Variants in GUCY1A1 observed in about 807,000 individuals in gnomAD.
GUCY1A1 encodes guanylate cyclase soluble subunit alpha-1.
Under a neutral mutation model 64.5 loss-of-function variants are expected in GUCY1A1, and 48 were observed. That is an observed-to-expected ratio of 0.74 (90% CI 0.59 to 0.95). GUCY1A1 has a LOEUF of 0.95. Ranked by LOEUF, GUCY1A1 falls within the 40% of genes least tolerant of loss-of-function variation. The pLI, the probability that GUCY1A1 is intolerant of heterozygous loss-of-function variation, is 0.00. For missense variants in GUCY1A1, 804 were observed against 825.3 expected (o/e 0.97, Z 0.32); for synonymous variants, 308 against 303.4 (o/e 1.02, Z -0.16).
At chr4:155,712,321 A>G (rs1732679626) in intron 6 of GUCY1A1, among the ~76,000 whole-genome samples, 1 of 152,100 alleles carries the variant, frequency 6.6e-6, no homozygotes, top group Non-Finnish European at 1.5e-5. Context: ...TTATACAGAC[A>G]AAGTTTCGCC....
intron 3 of GUCY1A1, among the ~76,000 whole-genome samples, chr4:155,697,479 T>C (rs1204495459): frequency 6.6e-6 from 1 of 152,220 alleles, no homozygotes; most frequent in African/African-American, 2.4e-5. Context: ...AAACCATCCA[T>C]AGCTCTTGCC....
At position 155,734,097 on chromosome 4, in the gene GUCY1A1, A is replaced by G. The variant is rs957182221; in HGVS notation, c.*3866A>G. On this transcript the variant is annotated 3_prime_UTR_variant, in exon 10 of 10. Coordinates refer to ENST00000506455, the MANE Select transcript of GUCY1A1 (RefSeq NM_001130682.3). ...CTGATATTTCCAGCCACGCCAAGGC[A>G]AAGACTTCCCAGCTCTGTCTCAGGT... is the stretch of plus-strand genomic sequence containing the variant. Among the ~76,000 whole-genome samples, 3 of 151,922 alleles carry G rather than the reference A, an allele frequency of 2.0e-5. No individual in the cohort carries two copies. The highest frequency in any genetic ancestry group is 7.2e-5 in the African/African-American group (3 of 41,400).
chr4:155,683,711 A>G (rs997230981), intron 2 of GUCY1A1, among the ~76,000 whole-genome samples: 20 of 152,212 alleles, frequency 1.3e-4, no homozygotes, highest in African/African-American at 4.3e-4. Flanking sequence ...AGTGAAAGCA[A>G]TTTTATAATG....
chr4:155,692,991 G>A (rs545193355), intron 2 of GUCY1A1, among the ~76,000 whole-genome samples: 15 of 152,136 alleles, frequency 9.9e-5, no homozygotes, highest in Non-Finnish European at 1.3e-4. Context: ...CCCAGGAGGC[G>A]GAGGTTTCAG....
At chr4:155,719,737 T>C (rs371881754) in intron 8 of GUCY1A1, among the ~76,000 whole-genome samples, 3 of 152,028 alleles carry the variant, frequency 2.0e-5, no homozygotes, top group African/African-American at 7.2e-5. Context: ...GTGGGCTGAG[T>C]GTAACCGTGA....
chr4:155,706,637 A>G (rs1731809948), intron 4 of GUCY1A1, among the ~76,000 whole-genome samples: 1 of 151,642 alleles, frequency 6.6e-6, no homozygotes, highest in African/African-American at 2.4e-5. Flanking sequence ...ACATCATTAT[A>G]TGTATGAACT....
At chr4:155,700,932 A>G (rs1731001248) in intron 3 of GUCY1A1, among the ~76,000 whole-genome samples, 1 of 152,164 alleles carries the variant, frequency 6.6e-6, no homozygotes, top group African/African-American at 2.4e-5. Context: ...AATATATAGA[A>G]TTGTTGGGGT....
Position 155,674,340 on chromosome 4 carries a change from C to G in GUCY1A1, c.-113+6921C>G, listed in dbSNP as rs554590647. On this transcript the variant is annotated intron_variant, in intron 2 of 9. Coordinates refer to ENST00000506455, the MANE Select transcript of GUCY1A1 (RefSeq NM_001130682.3). ...CTGCACTCCAGCCTGGGCGACAGAG[C>G]GAGACTCCATCTAAAAAAAAAAAAG... is the stretch of plus-strand genomic sequence containing the variant. 1.7e-3 allele frequency among the ~76,000 whole-genome samples: 202 copies of G among 120,126 alleles called. 6 individuals carry two copies. The highest frequency in any genetic ancestry group is 6.7e-3 in the African/African-American group (195 of 29,094). 78.8% of individuals were successfully genotyped at this position (120,126 alleles called of 152,430 possible). A position where few individuals can be genotyped will look rare whatever the true frequency, so the allele number is the denominator to read the frequency against.
In GUCY1A1 at chr4:155,713,533, G is replaced by A. The variant is rs1288824779; in HGVS notation, c.1522G>A (p.Ala508Thr). The A allele has an allele frequency of 2.5e-6, 4 of 1,613,952 alleles. No homozygotes were observed. Among genetic ancestry groups the A allele is most frequent in the Non-Finnish European group, 3.4e-6 (4 of 1,179,956 alleles). Residue 508 changes from alanine (A) to threonine (T), a missense_variant, in exon 7 of 10, where the codon GCA (alanine) becomes ACA (threonine). By Grantham distance (58) the Ala-to-Thr change is moderately conservative (BLOSUM62 0). Transcript: ENST00000506455. ...SPLQVITMLN[A>T]LYTRFDQQCG... The stretch of plus-strand genomic sequence containing the variant: ...GCTGCAGGTCATCACCATGCTCAAT[G>A]CACTGTACACTCGCTTCGACCAGCA...
intron 6 of GUCY1A1, 40 bp from the exon 7 acceptor site, chr4:155,713,058 A>C: frequency 6.5e-7 from 1 of 1,540,766 alleles, no homozygotes; most frequent in Non-Finnish European, 8.8e-7. Flanking sequence ...AGATGTGGGA[A>C]ACTTGAATAA....
At chr4:155,717,418 T>C in intron 8 of GUCY1A1, 116 bp downstream of exon 8, 1 of 589,394 alleles carries the variant, frequency 1.7e-6, no homozygotes, top group South Asian at 4.7e-5. Flanking sequence ...GAAAGCAAAA[T>C]CTATATAGAG....
intron 7 of GUCY1A1, among the ~76,000 whole-genome samples, chr4:155,715,865 A>G (rs934470718): frequency 1.3e-5 from 2 of 152,194 alleles, no homozygotes; most frequent in Non-Finnish European, 2.9e-5. Flanking sequence ...CAAATGAGTA[A>G]ATTTATAGTA....
In GUCY1A1 at chr4:155,736,128, C is replaced by A. The variant is rs1176015877; in HGVS notation, c.*5897C>A. 6.6e-6 allele frequency: 1 copy of A among 151,936 alleles called. No individual in the cohort carries two copies. Among genetic ancestry groups the A allele is most frequent in the African/African-American group, 2.4e-5 (1 of 41,416 alleles). The allele number at this position is 151,936 out of a possible 1,614,324, so 9.4% of individuals were successfully genotyped here. ...CTCCAACCTTTTAGATTCCTGCAAT[C>A]TGTTAATAAAATATTGTAGGACAAC... On this transcript the variant is annotated 3_prime_UTR_variant, in exon 10 of 10. Transcript: ENST00000506455.
intron 2 of GUCY1A1, among the ~76,000 whole-genome samples, chr4:155,691,498 G>A (rs765522793): frequency 1.3e-5 from 2 of 152,180 alleles, no homozygotes; most frequent in Non-Finnish European, 2.9e-5. Flanking sequence ...TGAAAATTAA[G>A]CCTTTTTCCT....
chr4:155,709,332 C>T (rs1732228157), intron 5 of GUCY1A1, among the ~76,000 whole-genome samples: 1 of 152,190 alleles, frequency 6.6e-6, no homozygotes, highest in East Asian at 1.9e-4. Context: ...ACCATACCCA[C>T]CCTCCTTTGT....
chr4:155,726,959 G>A (rs1734772211), intron 9 of GUCY1A1, among the ~76,000 whole-genome samples: 2 of 151,896 alleles, frequency 1.3e-5, no homozygotes, highest in Admixed American at 1.3e-4. Flanking sequence ...GAGGATACAT[G>A]GATGCTGTCC....
Position 155,710,598 on chromosome 4 carries a change from T to G in GUCY1A1, c.433T>G (p.Tyr145Asp), listed in dbSNP as rs779452261. Residue 145 changes from tyrosine to aspartate, a missense_variant, in exon 6 of 10, where the codon TAC (tyrosine) becomes GAC (aspartate). Tyr to Asp is a radical substitution (Grantham distance 160). Transcript: ENST00000506455. ...SLGEEVFKIC[Y>D]EEDENILGVV... ...TGGTGAAGAGGTTTTTAAAATATGTTACGAGGAAGATGAAAACATCCTTGG... is the reference window on the plus strand; with the variant it reads ...TGGTGAAGAGGTTTTTAAAATATGTGACGAGGAAGATGAAAACATCCTTGG... 6.2e-7 allele frequency: 1 copy of G among 1,613,260 alleles called. No homozygotes were observed. Among genetic ancestry groups the G allele is most frequent in the South Asian group, 1.1e-5 (1 of 90,946 alleles).
At chr4:155,671,584 T>C (rs1486109550) in intron 2 of GUCY1A1, among the ~76,000 whole-genome samples, 1 of 152,192 alleles carries the variant, frequency 6.6e-6, no homozygotes, top group Non-Finnish European at 1.5e-5. Flanking sequence ...CAGAGGACCA[T>C]ACTTTTTAAT....
At chr4:155,721,729 G>T (rs1043010272) in intron 8 of GUCY1A1, among the ~76,000 whole-genome samples, 3 of 152,074 alleles carry the variant, frequency 2.0e-5, no homozygotes, top group Admixed American at 1.3e-4. Flanking sequence ...TATCCCCCTT[G>T]CTATGTTGCT....
Sources: allele counts gnomAD v4.1 joint callset (sites outside exome capture counted in the v4.1 genomes callset), GRCh38; gene constraint gnomAD v4.1.1; transcripts MANE v1.5; gene names NCBI Gene and HGNC (gene_info 2026-07-23, HGNC 2026-07-21).